Variants in GADL1 observed in about 807,000 individuals in gnomAD.
The protein encoded by GADL1 is GAD like acidic amino acid decarboxylase 1.
GADL1 carries 71 observed loss-of-function variants against 69.5 expected under a neutral mutation model. The ratio of observed to expected loss-of-function variants is 1.02; its 90% confidence interval spans 0.84 to 1.25. The LOEUF (loss-of-function observed/expected upper bound fraction) is 1.25. GADL1 is among the 50% of genes most tolerant of loss of function. GADL1 has a pLI of 0.00. For missense variants in GADL1, 737 were observed against 631.8 expected, an observed-to-expected ratio of 1.17 and a Z score of -1.79; for synonymous variants, 254 against 214.4, an observed-to-expected ratio of 1.18 and a Z score of -1.62.
At chr3:30,889,084 T>TTG (rs747921613) in intron 1 of GADL1, among the ~76,000 whole-genome samples, 1 of 32,916 alleles carries the variant, frequency 3.0e-5, no homozygotes, top group African/African-American at 8.4e-5. Context: ...CGGTAATCTA[T>TTG]AAAAAAAAAA....
intron 11 of GADL1, among the ~76,000 whole-genome samples, chr3:30,801,679 A>C (rs1697168396): frequency 6.6e-6 from 1 of 152,190 alleles, no homozygotes; most frequent in Non-Finnish European, 1.5e-5. Flanking sequence ...TTTTATTTGC[A>C]ACCAAATTCC....
chr3:30,779,028 C>A (rs1696599934), intron 13 of GADL1: 1 of 152,212 alleles, frequency 6.6e-6, no homozygotes, highest in African/African-American at 2.4e-5. Flanking sequence ...ACTAAGTAAT[C>A]ATAACCCAGT....
intron 11 of GADL1, among the ~76,000 whole-genome samples, chr3:30,832,731 T>C (rs1697812152): frequency 6.6e-6 from 1 of 152,080 alleles, no homozygotes; most frequent in African/African-American, 2.4e-5. Flanking sequence ...ACAATCAATA[T>C]GGTAATCTTA....
chr3:30,778,295 GTTATC>G (rs774999655), intron 13 of GADL1, 27 bp from the exon 14 acceptor site: 15 of 1,376,238 alleles, frequency 1.1e-5, no homozygotes, highest in African/African-American at 7.3e-5. Flanking sequence ...ATATAAAGTT[GTTATC>G]TTAAGATTTA....
chr3:30,741,009 T>TATATA (rs1559484065), intron 14 of GADL1, among the ~76,000 whole-genome samples: 5 of 96,314 alleles, frequency 5.2e-5, no homozygotes, highest in African/African-American at 3.0e-4. Context: ...TAATATATAT[T>TATATA]ATATATTATA....
intron 1 of GADL1, among the ~76,000 whole-genome samples, chr3:30,879,475 C>T (rs972675775): frequency 3.3e-5 from 5 of 151,890 alleles, no homozygotes; most frequent in Admixed American, 6.6e-5. Context: ...CTTTAGTGAG[C>T]CATCACTTTG....
chr3:30,742,691 T>G (rs1695644696), intron 14 of GADL1, among the ~76,000 whole-genome samples: 1 of 152,080 alleles, frequency 6.6e-6, no homozygotes, highest in African/African-American at 2.4e-5. Flanking sequence ...GTTACTGAGT[T>G]TAAGGGGAAG....
At position 30,856,935 on chromosome 3, in the gene GADL1, C is replaced by T. The variant is rs191799021; in HGVS notation, c.337+80G>A. ...CAGATTTCTCGTTCCATAAGCATTG[C>T]TATACTCAGCTTTGAGAGGCTTTGC... On this transcript the variant is annotated intron_variant, in intron 3 of 14. Transcript: ENST00000282538. 5.7e-5 allele frequency: 67 copies of T among 1,184,720 alleles called. No individual in the cohort carries two copies. In the Admixed American group the frequency reaches 1.1e-3, roughly 20 times the overall value. The allele number at this position is 1,184,720 out of a possible 1,614,324, so 73.4% of individuals were successfully genotyped here.
intron 12 of GADL1, among the ~76,000 whole-genome samples, chr3:30,789,141 T>C (rs1001657997): frequency 1.3e-5 from 2 of 152,224 alleles, no homozygotes; most frequent in Non-Finnish European, 2.9e-5. Context: ...CAAAACACAT[T>C]TCTTAAATAA....
At chr3:30,845,188 T>C (rs555515080) in intron 6 of GADL1, among the ~76,000 whole-genome samples, 1 of 152,236 alleles carries the variant, frequency 6.6e-6, no homozygotes, top group East Asian at 1.9e-4. Flanking sequence ...ATGGCATGAG[T>C]GAGGCTAATA....
chr3:30,783,939 CAA>C (rs1334699088), intron 13 of GADL1, among the ~76,000 whole-genome samples: 1 of 152,086 alleles, frequency 6.6e-6, no homozygotes, highest in Non-Finnish European at 1.5e-5. Context: ...CCAGCTCTGT[CAA>C]AAGACTGTAC....
At chr3:30,729,001 G>A (rs1695412881) in intron 14 of GADL1, among the ~76,000 whole-genome samples, 1 of 151,732 alleles carries the variant, frequency 6.6e-6, no homozygotes, top group Admixed American at 6.6e-5. Flanking sequence ...TTTCATCCTA[G>A]AAAAAAAGAA....
At chr3:30,842,822 T>TTA (rs1553602110) in intron 8 of GADL1, among the ~76,000 whole-genome samples, 2 of 103,490 alleles carry the variant, frequency 1.9e-5, no homozygotes, top group African/African-American at 3.7e-5. Flanking sequence ...TTGGAATGTT[T>TTA]AAAAAAAAAA....
At chr3:30,762,399 A>T (rs529719094) in intron 14 of GADL1, among the ~76,000 whole-genome samples, 37 of 152,340 alleles carry the variant, frequency 2.4e-4, no homozygotes, top group African/African-American at 8.4e-4. Context: ...ATGAAAAAAT[A>T]CACAAAGCAT....
intron 14 of GADL1, among the ~76,000 whole-genome samples, chr3:30,775,352 A>G (rs982988997): frequency 1.3e-5 from 2 of 152,222 alleles, no homozygotes; most frequent in African/African-American, 2.4e-5. Flanking sequence ...TCTATCCAAG[A>G]TAAACCCTGA....
chr3:30,726,860 C>G lies in GADL1; in HGVS notation c.*1382G>C, dbSNP rs1473057849. ...CCAGGGTCAGAGATAGAATTAAAAT[C>G]ACCCACTCTCAGGAGAAATGGAGGA... On this transcript the variant is annotated 3_prime_UTR_variant, in exon 15 of 15. Transcript: ENST00000282538. 2 of 152,458 alleles carry G rather than the reference C, an allele frequency of 1.3e-5. No individual in the cohort carries two copies. Among genetic ancestry groups the G allele is most frequent in the African/African-American group, 4.8e-5 (2 of 41,394 alleles). 9.4% of individuals were successfully genotyped at this position (152,458 alleles called of 1,614,324 possible).
chr3:30,800,528 G>C lies in GADL1; in HGVS notation c.1250+361C>G, dbSNP rs568419252. 1.5e-3 allele frequency: 309 copies of C among 201,868 alleles called. 1 individual carries two copies. Among genetic ancestry groups the C allele is most frequent in the Non-Finnish European group, 2.6e-3 (260 of 99,676 alleles). 12.5% of individuals were successfully genotyped at this position (201,868 alleles called of 1,614,324 possible). ...CTCAGTTGAAAGTCACTTCCTCCAA[G>C]GAGCCTCTGCCAGTGTGCCTCAAGA... On this transcript the variant is annotated intron_variant, in intron 12 of 14. Coordinates refer to ENST00000282538, the MANE Select transcript of GADL1 (RefSeq NM_207359.3).
intron 11 of GADL1, among the ~76,000 whole-genome samples, chr3:30,824,869 C>T (rs1240193245): frequency 2.0e-5 from 3 of 151,784 alleles, no homozygotes; most frequent in Non-Finnish European, 2.9e-5. Context: ...ATGACCTGTT[C>T]ACATTATAAT....
chr3:30,810,384 T>C (rs1048593432), intron 11 of GADL1, among the ~76,000 whole-genome samples: 1 of 152,146 alleles, frequency 6.6e-6, no homozygotes, highest in Non-Finnish European at 1.5e-5. Context: ...TTACATGATA[T>C]ATATAGACAG....
Sources: gnomAD v4.1 joint callset for allele counts (sites outside exome capture counted in the v4.1 genomes callset) on GRCh38, gnomAD v4.1.1 for gene constraint, MANE v1.5 for transcripts, NCBI Gene and HGNC (gene_info 2026-07-23, HGNC 2026-07-21) for gene names.